Variants in SEZ6 observed in about 807,000 individuals in gnomAD.
The protein encoded by SEZ6 is seizure protein 6 homolog.
A neutral mutation model predicts 101.0 loss-of-function variants in SEZ6; 53 were observed. The observed-to-expected ratio is 0.52, with a 90% CI of 0.42 to 0.66. SEZ6 has a LOEUF of 0.66. Ranked by LOEUF, SEZ6 falls within the 30% of genes least tolerant of loss-of-function variation. SEZ6 has a pLI of 0.00. For missense variants in SEZ6, 1,102 were observed against 1,289.4 expected (o/e 0.85, Z 2.23); for synonymous variants, 488 against 512.2 (o/e 0.95, Z 0.64).
At chr17:28,971,837 T>A in intron 3 of SEZ6, among the ~76,000 whole-genome samples, 1 of 152,240 alleles carries the variant, frequency 6.6e-6, no homozygotes, top group Non-Finnish European at 1.5e-5. Flanking sequence ...TCTATCCTTT[T>A]GTTACTGTCC....
chr17:28,968,529 A>G (rs78265409), intron 4 of SEZ6, among the ~76,000 whole-genome samples: 17,994 of 152,212 alleles, frequency 0.12, 1,072 homozygotes, highest in Middle Eastern at 0.14. Flanking sequence ...GCCATTAGGG[A>G]GGCTAGCTGG....
rs369758364 is a variant in SEZ6, at chr17:28,969,860, C to A, written c.951G>T (p.Leu317=). Residue 317 remains leucine, a synonymous_variant, in exon 4 of 17, where the codon CTG becomes CTT. Coordinates refer to ENST00000317338, the MANE Select transcript of SEZ6 (RefSeq NM_178860.5). ...DPLPLANQSF[L]LRGQVIRSPT... ...GGCTGCGGATGACTTGGCCCCGCAG[C>A]AGGAAAGACTGGTTGGCCAGGGGCA... is the stretch of plus-strand genomic sequence containing the variant. 1.2e-3 allele frequency: 1,773 copies of A among 1,535,504 alleles called. 7 individuals are homozygous for A. Among genetic ancestry groups the A allele is most frequent in the Non-Finnish European group, 1.3e-3 (1,443 of 1,151,282 alleles).
chr17:28,960,220 C>A (rs2040954163), intron 7 of SEZ6: 3 of 578,184 alleles, frequency 5.2e-6, no homozygotes, highest in East Asian at 2.9e-5. Context: ...TACAGCAATT[C>A]TTTCTTAAGG....
At chr17:28,995,052 TG>T (rs750734080) in intron 1 of SEZ6, among the ~76,000 whole-genome samples, 41 of 151,630 alleles carry the variant, frequency 2.7e-4, no homozygotes, top group Admixed American at 1.1e-3. Flanking sequence ...TTTTGTATTT[TG>T]TAGTACAGAC....
intron 3 of SEZ6, among the ~76,000 whole-genome samples, chr17:28,973,731 G>A (rs1249108532): frequency 6.6e-6 from 1 of 152,196 alleles, no homozygotes; most frequent in Non-Finnish European, 1.5e-5. Flanking sequence ...CTGGGTGTCG[G>A]ACAGGAGGGG....
intron 3 of SEZ6, among the ~76,000 whole-genome samples, chr17:28,977,319 C>T (rs576476653): frequency 2.2e-4 from 33 of 152,360 alleles, no homozygotes; most frequent in African/African-American, 7.7e-4. Context: ...GTGCTGACCC[C>T]GCTCTGGCCA....
intron 3 of SEZ6, among the ~76,000 whole-genome samples, chr17:28,976,345 G>A (rs1487230668): frequency 6.6e-6 from 1 of 152,236 alleles, no homozygotes; most frequent in Admixed American, 6.5e-5. Context: ...CTTGAGGCAA[G>A]GGCTGTGGTC....
intron 11 of SEZ6, 168 bp downstream of exon 11, chr17:28,957,779 C>T: frequency 2.2e-6 from 2 of 912,610 alleles, no homozygotes; most frequent in Non-Finnish European, 3.3e-6. Flanking sequence ...TGGCTGATAA[C>T]CCCATGAAAA....
intron 3 of SEZ6, among the ~76,000 whole-genome samples, chr17:28,974,127 G>A (rs968486834): frequency 2.6e-5 from 4 of 152,192 alleles, no homozygotes; most frequent in Admixed American, 6.5e-5. Context: ...CCCTAATGGC[G>A]TAACCCACAG....
intron 2 of SEZ6, among the ~76,000 whole-genome samples, chr17:28,980,870 T>C (rs1322382519): frequency 1.3e-5 from 2 of 152,106 alleles, no homozygotes; most frequent in Non-Finnish European, 2.9e-5. Context: ...ATAGAATTCC[T>C]AGGGTCATGT....
chr17:28,961,481 T>C (rs1011327756), intron 5 of SEZ6, among the ~76,000 whole-genome samples: 1 of 152,264 alleles, frequency 6.6e-6, no homozygotes, highest in African/African-American at 2.4e-5. Flanking sequence ...AGAGTTGGTG[T>C]TCAGCGTTGG....
rs947288140 is a variant in SEZ6 at position 28,988,616 on chromosome 17, A to G, written c.56-6577T>C. The stretch of plus-strand genomic sequence containing the variant: ...TGATGGGTCCCCATTGCCCCGGACT[A>G]CCCTCTCTTCCCCTGCCACTGATCA... On this transcript the variant is annotated intron_variant, in intron 1 of 16. Transcript: ENST00000317338. Among the ~76,000 whole-genome samples, 12 of 151,848 alleles carry G rather than the reference A, an allele frequency of 7.9e-5. 1 individual carries two copies. Among genetic ancestry groups the G allele is most frequent in the Non-Finnish European group, 1.3e-4 (9 of 67,928 alleles).
At chr17:28,998,043 G>A (rs576294581) in intron 1 of SEZ6, among the ~76,000 whole-genome samples, 1 of 152,004 alleles carries the variant, frequency 6.6e-6, no homozygotes, top group Non-Finnish European at 1.5e-5. Context: ...GGCTGCCTGG[G>A]GGACAAAGGA....
chr17:28,979,560 A>G, intron 3 of SEZ6, 120 bp downstream of exon 3: 4 of 1,432,618 alleles, frequency 2.8e-6, no homozygotes, highest in South Asian at 1.3e-5. Flanking sequence ...CCCTGGCCTT[A>G]GGCGATGCCC....
intron 5 of SEZ6, 139 bp from the exon 6 acceptor site, chr17:28,961,112 C>T (rs1367447117): frequency 2.6e-5 from 29 of 1,097,890 alleles, no homozygotes; most frequent in Non-Finnish European, 3.8e-5. Context: ...TGGCCCTCAT[C>T]GTCCTGAAGG....
chr17:28,958,647 AG>A (rs2152683320), intron 10 of SEZ6, among the ~76,000 whole-genome samples: 1 of 152,240 alleles, frequency 6.6e-6, no homozygotes, highest in Admixed American at 6.5e-5. Flanking sequence ...AAAATTAGCC[AG>A]GCGTGGTGGC....
chr17:28,977,481 C>G (rs1034395540), intron 3 of SEZ6, among the ~76,000 whole-genome samples: 4 of 152,218 alleles, frequency 2.6e-5, no homozygotes, highest in African/African-American at 9.6e-5. Context: ...TGTGGCAGGT[C>G]TTCGTCTCAA....
chr17:29,000,541 AG>A (rs2041602428), intron 1 of SEZ6, among the ~76,000 whole-genome samples: 1 of 152,236 alleles, frequency 6.6e-6, no homozygotes, highest in Non-Finnish European at 1.5e-5. Context: ...GATATACCCC[AG>A]GGCCTGCTCT....
intron 1 of SEZ6, among the ~76,000 whole-genome samples, chr17:28,995,916 C>T (rs1409498951): frequency 6.6e-6 from 1 of 152,122 alleles, no homozygotes; most frequent in Admixed American, 6.5e-5. Flanking sequence ...CTCCTCCAGG[C>T]ATGCCTCCCT....
Sources: gnomAD v4.1 joint callset for allele counts (sites outside exome capture counted in the v4.1 genomes callset) on GRCh38, gnomAD v4.1.1 for gene constraint, MANE v1.5 for transcripts, NCBI Gene and HGNC (gene_info 2026-07-23, HGNC 2026-07-21) for gene names.